RAD54B: variants seen among roughly 807,000 people sequenced by gnomAD.
RAD54B encodes the protein RAD54 homolog B.
RAD54B carries 78 observed loss-of-function variants against 95.8 expected under a neutral mutation model. That is an observed-to-expected ratio of 0.81 (90% CI 0.68 to 0.98). RAD54B has a LOEUF of 0.98. RAD54B is among the 50% of genes least tolerant of loss of function. The probability of loss-of-function intolerance (pLI) is 0.00; values close to 1 mark genes in which losing one functional copy is unlikely to be tolerated. For missense variants in RAD54B, 957 were observed against 1,056.6 expected (o/e 0.91, Z 1.31); for synonymous variants, 328 against 354.9 (o/e 0.92, Z 0.85).
At chr8:94,473,816 T>C (rs1813227097) in intron 1 of RAD54B, among the ~76,000 whole-genome samples, 1 of 152,230 alleles carries the variant, frequency 6.6e-6, no homozygotes, top group African/African-American at 2.4e-5. Context: ...GTAGTAATTA[T>C]TTCACTTCAT....
chr8:94,391,676 T>C lies in RAD54B; in HGVS notation c.1742A>G (p.His581Arg), dbSNP rs1416718367. The change falls in exon 10 of 15, where the codon CAT becomes CGT. Residue 581 changes from histidine (H) to arginine (R), a missense_variant. Physicochemically the swap from His to Arg is conservative, Grantham distance 29. Transcript: ENST00000336148. ...TTTAAGAGCTCCTATACATATTAGA[T>C]GGGGACTATTTTCCAACAACCCTTG... ...CLQGLLENSP[H>R]LICIGALKKL... is the part of the protein sequence containing the mutation. 1.2e-6 allele frequency: 2 copies of C among 1,613,844 alleles called. No homozygotes were observed. The highest frequency in any genetic ancestry group is 2.7e-5 in the African/African-American group (2 of 74,868).
intron 9 of RAD54B, chr8:94,393,449 CACCAATAGAAA>C (rs1309001503): frequency 3.7e-6 from 1 of 273,754 alleles, no homozygotes; most frequent in Non-Finnish European, 6.8e-6. Context: ...AACAAACACA[CACCAATAGAAA>C]AGTACAAAAG....
chr8:94,396,131 C>T (rs1586134154), intron 8 of RAD54B, among the ~76,000 whole-genome samples: 1 of 151,946 alleles, frequency 6.6e-6, no homozygotes, highest in Non-Finnish European at 1.5e-5. Context: ...AATATGGCTA[C>T]AAGACAGAAC....
chr8:94,430,395 A>T, intron 3 of RAD54B: 1 of 985,282 alleles, frequency 1.0e-6, no homozygotes, highest in Non-Finnish European at 1.2e-6. Context: ...TTCACTTTCA[A>T]CTACTCTTCG....
intron 3 of RAD54B, among the ~76,000 whole-genome samples, chr8:94,450,368 A>G (rs1472458049): frequency 2.0e-5 from 3 of 152,200 alleles, no homozygotes; most frequent in Admixed American, 6.5e-5. Context: ...TGAAACAGCA[A>G]ATCTTGCAAA....
rs117989943 is a variant in RAD54B at position 94,379,853 on chromosome 8, T to C, written c.2247+292A>G. ...CCTAAAGGCCAACTCTGCAGTAAAC[T>C]AGAACCTGGAGACATACAGGTTTAG... is the stretch of plus-strand genomic sequence containing the variant. On this transcript the variant is annotated intron_variant, in intron 12 of 14. Coordinates refer to ENST00000336148, the MANE Select transcript of RAD54B (RefSeq NM_012415.3). Among the ~76,000 whole-genome samples the C allele has an allele frequency of 2.2e-4, 34 of 152,340 alleles. No individual in the cohort carries two copies. In the East Asian group the frequency reaches 5.4e-3, roughly 24 times the overall value.
At chr8:94,373,395 C>T (rs1810488131) in intron 14 of RAD54B, among the ~76,000 whole-genome samples, 2 of 57,508 alleles carry the variant, frequency 3.5e-5, no homozygotes, top group South Asian at 6.0e-4. Flanking sequence ...TTAGATATTG[C>T]CACTGAGTCT....
chr8:94,444,647 T>G (rs181904103), intron 3 of RAD54B, among the ~76,000 whole-genome samples: 286 of 152,294 alleles, frequency 1.9e-3, no homozygotes, highest in Middle Eastern at 3.4e-3. Flanking sequence ...CCACCTCCAC[T>G]CAGCCCTGGA....
At chr8:94,389,051 C>A (rs1258934117) in intron 10 of RAD54B, among the ~76,000 whole-genome samples, 1 of 152,114 alleles carries the variant, frequency 6.6e-6, no homozygotes, top group Non-Finnish European at 1.5e-5. Flanking sequence ...AAAGAACGTC[C>A]CCAGGGAAAG....
chr8:94,468,697 C>T (rs534855634), intron 1 of RAD54B, among the ~76,000 whole-genome samples: 7 of 151,814 alleles, frequency 4.6e-5, no homozygotes, highest in Non-Finnish European at 8.8e-5. Flanking sequence ...GGAGTGGTGG[C>T]GGGCGCCTGT....
chr8:94,415,248 G>C (rs1324408002), intron 3 of RAD54B, among the ~76,000 whole-genome samples: 5 of 149,648 alleles, frequency 3.3e-5, no homozygotes, highest in East Asian at 2.0e-4. Flanking sequence ...ACAAACCTGA[G>C]AAAAACAAGC....
chr8:94,439,170 G>A (rs1043299752), intron 3 of RAD54B, among the ~76,000 whole-genome samples: 1 of 152,140 alleles, frequency 6.6e-6, no homozygotes, highest in Admixed American at 6.5e-5. Context: ...ACTGAAGGGA[G>A]TGTAAAATGA....
chr8:94,401,626 T>C (rs2130012340), intron 6 of RAD54B, among the ~76,000 whole-genome samples: 1 of 152,348 alleles, frequency 6.6e-6, no homozygotes, highest in African/African-American at 2.4e-5. Flanking sequence ...TCAGCACCCC[T>C]AACTCCTGAG....
At chr8:94,402,313 G>A (rs1459758093) in intron 6 of RAD54B, among the ~76,000 whole-genome samples, 1 of 151,464 alleles carries the variant, frequency 6.6e-6, no homozygotes, top group Non-Finnish European at 1.5e-5. Context: ...GAGTGCAGTG[G>A]CGCTATCTTG....
Position 94,394,993 on chromosome 8 carries a change from T to C in RAD54B, c.1379-1111A>G, listed in dbSNP as rs887837138. ...ATTTTTAGACACATCATTGAAAGAG[T>C]TGGGAAAAATACATTTATGTTGGTA... On this transcript the variant is annotated intron_variant, in intron 8 of 14. Coordinates refer to ENST00000336148, the MANE Select transcript of RAD54B (RefSeq NM_012415.3). Among the ~76,000 whole-genome samples the C allele has an allele frequency of 3.3e-5, 5 of 152,006 alleles. No individual in the cohort carries two copies. The East Asian group carries it at 5.8e-4, about 18-fold the overall frequency.
intron 3 of RAD54B, among the ~76,000 whole-genome samples, chr8:94,438,267 T>C (rs2130127113): frequency 6.6e-6 from 1 of 152,344 alleles, no homozygotes; most frequent in East Asian, 1.9e-4. Flanking sequence ...AAGCTTTAAG[T>C]GTATTATCTT....
At position 94,372,050 on chromosome 8, in the gene RAD54B, G is replaced by C; in HGVS notation, c.*120C>G. On this transcript the variant is annotated 3_prime_UTR_variant, in exon 15 of 15. Coordinates refer to ENST00000336148, the MANE Select transcript of RAD54B (RefSeq NM_012415.3). ...CTCAATTTTGACTATTGTATCAAAA[G>C]TGATATATTTTGCAACATATACTGT... is the stretch of plus-strand genomic sequence containing the variant. The C allele has an allele frequency of 7.1e-7, 1 of 1,415,828 alleles. No homozygotes were observed. The highest frequency in any genetic ancestry group is 9.2e-7 in the Non-Finnish European group (1 of 1,082,790). The allele number at this position is 1,415,828 out of a possible 1,614,324, so 87.7% of individuals were successfully genotyped here.
Position 94,391,589 on chromosome 8 carries a change from T to C in RAD54B, c.1809+20A>G, listed in dbSNP as rs963573920. 6.2e-7 allele frequency: 1 copy of C among 1,605,096 alleles called. No homozygotes were observed. The highest frequency in any genetic ancestry group is 8.5e-7 in the Non-Finnish European group (1 of 1,175,758). ...AGAACCCTCATATCCCTGACACAGTTTCAGATACTATGCACTTACCTTTAT... is the reference window on the plus strand; with the variant it reads ...AGAACCCTCATATCCCTGACACAGTCTCAGATACTATGCACTTACCTTTAT... On this transcript the variant is annotated intron_variant, in intron 10 of 14. Transcript: ENST00000336148.
chr8:94,467,684 G>A, intron 1 of RAD54B, 129 bp from the exon 2 acceptor site: 1 of 892,534 alleles, frequency 1.1e-6, no homozygotes, highest in Non-Finnish European at 1.6e-6. Context: ...GGCCCCCCAA[G>A]CATAGAAACA....
Sources: allele counts gnomAD v4.1 joint callset (sites outside exome capture counted in the v4.1 genomes callset), GRCh38; gene constraint gnomAD v4.1.1; transcripts MANE v1.5; gene names NCBI Gene and HGNC (gene_info 2026-07-23, HGNC 2026-07-21).